Variants in NEFL observed in about 807,000 individuals in gnomAD.
NEFL encodes neurofilament light chain.
In NEFL, 36 loss-of-function variants were observed where a neutral mutation model predicts 51.6. That is an observed-to-expected ratio of 0.70 (90% CI 0.53 to 0.92). The LOEUF is 0.92. Among genes scored for constraint, NEFL ranks in the 40% least tolerant of loss-of-function variants. The pLI is 0.00. For missense variants in NEFL, 671 were observed against 722.0 expected (o/e 0.93, Z 0.81); for synonymous variants, 332 against 302.5 (o/e 1.10, Z -1.01).
chr8:24,951,869 T>TC lies in NEFL; in HGVS notation c.*940dup, dbSNP rs954757786. On this transcript the variant is annotated 3_prime_UTR_variant, in exon 4 of 4. Transcript: ENST00000610854. The stretch of plus-strand genomic sequence containing the variant: ...ACCATGTTCTCAGGTTTTAACCTCC[T>TC]CCCATGATATTTAGACTATATTTTA... 6.6e-6 allele frequency: 1 copy of TC among 152,600 alleles called. No individual in the cohort carries two copies. The highest frequency in any genetic ancestry group is 2.4e-5 in the African/African-American group (1 of 41,444). 9.5% of individuals were successfully genotyped at this position (152,600 alleles called of 1,614,324 possible).
Position 24,956,574 on chromosome 8 carries a change from A to AG in NEFL, c.-60dup. On this transcript the variant is annotated 5_prime_UTR_variant, in exon 1 of 4. Transcript: ENST00000610854. This position sits in a 1 kb window ranked among gnomAD's most constrained non-coding sequence, Gnocchi z 5.9. ...CGGTGGGAGCCCGGAGAGAGAGGAC[A>AG]GGGGAGAGAGGGAAGGGGGAGGATG... 2.0e-6 allele frequency: 3 copies of AG among 1,464,858 alleles called. No individual in the cohort carries two copies. The highest frequency in any genetic ancestry group is 2.8e-6 in the Non-Finnish European group (3 of 1,069,428). The allele number at this position is 1,464,858 out of a possible 1,614,324, so 90.7% of individuals were successfully genotyped here.
At position 24,955,426 on chromosome 8, in the gene NEFL, C is replaced by A. The variant is rs143338656; in HGVS notation, c.1044+46G>T. On this transcript the variant is annotated intron_variant, in intron 1 of 3. Coordinates refer to ENST00000610854, the MANE Select transcript of NEFL (RefSeq NM_006158.5). This position sits in a 1 kb window ranked among gnomAD's most constrained non-coding sequence, Gnocchi z 4.0. ...ACTTTCTGGGCGCACCAACTCCCCCCCTTGCTCGAGTCCCCCGCCCCCCTG... is the reference window on the plus strand; with the variant it reads ...ACTTTCTGGGCGCACCAACTCCCCCACTTGCTCGAGTCCCCCGCCCCCCTG... 77 of 909,566 alleles carry A rather than the reference C, an allele frequency of 8.5e-5. No individual in the cohort carries two copies. The Admixed American group carries it at 8.5e-4, about 10-fold the overall frequency. The allele number at this position is 909,566 out of a possible 1,614,324, so 56.3% of individuals were successfully genotyped here.
rs1458718759 is a variant in NEFL at position 24,955,733 on chromosome 8, G to A, written c.783C>T (p.Ile261=). ...KPDLSAALKD[I]RAQYEKLAAK... ...CGGCCAGCTTCTCGTACTGCGCGCGGATGTCCTTGAGCGCGGCGGAAAGGT... is the reference window on the plus strand; with the variant it reads ...CGGCCAGCTTCTCGTACTGCGCGCGAATGTCCTTGAGCGCGGCGGAAAGGT... Residue 261 remains isoleucine, a synonymous_variant, in exon 1 of 4, where the codon ATC becomes ATT. Coordinates refer to ENST00000610854, the MANE Select transcript of NEFL (RefSeq NM_006158.5). This position sits in a 1 kb window ranked among gnomAD's most constrained non-coding sequence, Gnocchi z 4.0. 1.2e-6 allele frequency: 2 copies of A among 1,613,774 alleles called. No homozygotes were observed. The highest frequency in any genetic ancestry group is 4.5e-5 in the East Asian group (2 of 44,854).
Position 24,951,906 on chromosome 8 carries a change from T to C in NEFL, c.*904A>G, listed in dbSNP as rs570416761. 2 of 152,610 alleles carry C rather than the reference T, an allele frequency of 1.3e-5. No homozygotes were observed. The highest frequency in any genetic ancestry group is 2.4e-5 in the African/African-American group (1 of 41,572). The allele number at this position is 152,610 out of a possible 1,614,324, so 9.5% of individuals were successfully genotyped here. ...TAGACTATATTTTAAAATGCAGTTA[T>C]AGGGATGAATGTATGGGATTCATAT... On this transcript the variant is annotated 3_prime_UTR_variant, in exon 4 of 4. Transcript: ENST00000610854.
Position 24,955,919 on chromosome 8 carries a change from G to C in NEFL, c.597C>G (p.Ala199=), listed in dbSNP as rs1423856572. The C allele has an allele frequency of 6.2e-7, 1 of 1,604,754 alleles. No individual in the cohort carries two copies. Among genetic ancestry groups the C allele is most frequent in the Non-Finnish European group, 8.5e-7 (1 of 1,179,692 alleles). ...CGGCGCGAGCGAGCGCCGCCTCGTCGGCGCCTTTGCGCGCTTCCATCAGCC... is the reference window on the plus strand; with the variant it reads ...CGGCGCGAGCGAGCGCCGCCTCGTCCGCGCCTTTGCGCGCTTCCATCAGCC... ...EGRLMEARKG[A]DEAALARAEL... is the part of the protein sequence containing the mutation. The change falls in exon 1 of 4, where the codon GCC becomes GCG. Residue 199 remains alanine, a synonymous_variant. Coordinates refer to ENST00000610854, the MANE Select transcript of NEFL (RefSeq NM_006158.5). This position sits in a 1 kb window ranked among gnomAD's most constrained non-coding sequence, Gnocchi z 4.0.
rs1803005392 is a variant in NEFL at position 24,953,835 on chromosome 8, T to C, written c.1170-40A>G. ...GCAAGGTGAGGTTAAAAAACACCTG[T>C]GTTTCACAACTTGCTCTGAGTACCC... On this transcript the variant is annotated intron_variant, in intron 2 of 3. Transcript: ENST00000610854. The C allele has an allele frequency of 1.9e-6, 3 of 1,552,084 alleles. No homozygotes were observed. In the East Asian group the frequency reaches 6.9e-5, roughly 36 times the overall value.
intron 2 of NEFL, 84 bp downstream of exon 2, chr8:24,954,097 G>A: frequency 6.4e-7 from 1 of 1,568,074 alleles, no homozygotes; most frequent in Non-Finnish European, 8.7e-7. Context: ...ATTATTGAAG[G>A]TTTCTGATCC....
Position 24,956,453 on chromosome 8 carries a change from C to T in NEFL, c.63G>A (p.Thr21=). ...STSYKRRYVE[T]PRVHISSVRS... is the part of the protein sequence containing the mutation. Reference sequence around the variant, plus strand: ...GCACGCTGGAGATGTGCACCCGGGGCGTCTCCACGTAGCGCCGCTTGTAGG... The same window carrying T: ...GCACGCTGGAGATGTGCACCCGGGGTGTCTCCACGTAGCGCCGCTTGTAGG... Residue 21 remains threonine (T), a synonymous_variant, in exon 1 of 4, where the codon ACG becomes ACA. Coordinates refer to ENST00000610854, the MANE Select transcript of NEFL (RefSeq NM_006158.5). The surrounding 1 kb of genome is among the most constrained non-coding windows in gnomAD (Gnocchi z 5.9). 3 of 1,604,272 alleles carry T rather than the reference C, an allele frequency of 1.9e-6. No homozygotes were observed. The highest frequency in any genetic ancestry group is 1.3e-5 in the African/African-American group (1 of 74,898).
Position 24,956,311 on chromosome 8 carries a change from C to T in NEFL, c.205G>A (p.Glu69Lys). ...SSSGSLMPSL[E>K]NLDLSQVAAI... ...GCTACCTGGCTCAGGTCGAGGTTCT[C>T]CAGACTGGGCATCAACGATCCAGAG... The change falls in exon 1 of 4, where the codon GAG becomes AAG. Residue 69 changes from glutamate (E) to lysine (K), a missense_variant. Physicochemically the swap from Glu to Lys is moderately conservative, Grantham distance 56. Coordinates refer to ENST00000610854, the MANE Select transcript of NEFL (RefSeq NM_006158.5). This position sits in a 1 kb window ranked among gnomAD's most constrained non-coding sequence, Gnocchi z 5.9. 2 of 1,610,546 alleles carry T rather than the reference C, an allele frequency of 1.2e-6. No individual in the cohort carries two copies. Among genetic ancestry groups the T allele is most frequent in the Non-Finnish European group, 1.7e-6 (2 of 1,178,554 alleles).
rs759451052 is a variant in NEFL, at chr8:24,952,551, T to C, written c.*259A>G. The C allele has an allele frequency of 6.8e-6, 3 of 441,846 alleles. No individual in the cohort carries two copies. Among genetic ancestry groups the C allele is most frequent in the Non-Finnish European group, 8.0e-6 (2 of 249,738 alleles). The allele number at this position is 441,846 out of a possible 1,614,324, so 27.4% of individuals were successfully genotyped here. A position where few individuals can be genotyped will look rare whatever the true frequency, so the allele number is the denominator to read the frequency against. Reference sequence around the variant, plus strand: ...AACATCTGAATGATTCACATTGCCGTAGATCCTGAACTCATAAGCGTGGTC... The same window carrying C: ...AACATCTGAATGATTCACATTGCCGCAGATCCTGAACTCATAAGCGTGGTC... On this transcript the variant is annotated 3_prime_UTR_variant, in exon 4 of 4. Coordinates refer to ENST00000610854, the MANE Select transcript of NEFL (RefSeq NM_006158.5).
At chr8:24,953,079 T>A (rs1004839739) in intron 3 of NEFL, 127 bp from the exon 4 acceptor site, 2 of 1,164,356 alleles carry the variant, frequency 1.7e-6, no homozygotes, top group African/African-American at 1.6e-5. Context: ...CTCCACTCTC[T>A]CCAAAAGCAC....
rs1402249334 is a variant in NEFL, at chr8:24,956,537, G to T, written c.-22C>A. 6.4e-7 allele frequency: 1 copy of T among 1,567,614 alleles called. No individual in the cohort carries two copies. Among genetic ancestry groups the T allele is most frequent in the East Asian group, 2.4e-5 (1 of 42,334 alleles). On this transcript the variant is annotated 5_prime_UTR_variant, in exon 1 of 4. Transcript: ENST00000610854. This position sits in a 1 kb window ranked among gnomAD's most constrained non-coding sequence, Gnocchi z 5.9. ...TCATGGTGGCGGCCGGTGGCTCCCC[G>T]GCCCGCGGCGGCGGTGGGAGCCCGG...
chr8:24,955,450 T>A lies in NEFL; in HGVS notation c.1044+22A>T. 53 of 723,554 alleles carry A rather than the reference T, an allele frequency of 7.3e-5. No homozygotes were observed. Among genetic ancestry groups the A allele is most frequent in the Non-Finnish European group, 9.3e-5 (47 of 505,974 alleles). The allele number at this position is 723,554 out of a possible 1,614,324, so 44.8% of individuals were successfully genotyped here. Reference sequence around the variant, plus strand: ...CCCTTGCTCGAGTCCCCCGCCCCCCTGTGTTTCTGGCCGTGCCGCACCTGC... The same window carrying A: ...CCCTTGCTCGAGTCCCCCGCCCCCCAGTGTTTCTGGCCGTGCCGCACCTGC... On this transcript the variant is annotated intron_variant, in intron 1 of 3. Transcript: ENST00000610854. The surrounding 1 kb of genome is among the most constrained non-coding windows in gnomAD (Gnocchi z 4.0).
chr8:24,953,887 G>A, intron 2 of NEFL, 92 bp from the exon 3 acceptor site: 1 of 1,460,762 alleles, frequency 6.8e-7, no homozygotes, highest in South Asian at 1.5e-5. Context: ...CAGGAGCAGG[G>A]CTGGGATTTA....
rs1374163320 is a variant in NEFL, at chr8:24,952,627, A to C, written c.*183T>G. The C allele has an allele frequency of 1.1e-5, 11 of 957,564 alleles. No individual in the cohort carries two copies. The highest frequency in any genetic ancestry group is 1.7e-5 in the Non-Finnish European group (11 of 661,402). The allele number at this position is 957,564 out of a possible 1,614,324, so 59.3% of individuals were successfully genotyped here. On this transcript the variant is annotated 3_prime_UTR_variant, in exon 4 of 4. Coordinates refer to ENST00000610854, the MANE Select transcript of NEFL (RefSeq NM_006158.5). Reference sequence around the variant, plus strand: ...AAAGCCACTCTGCAAGCAAACAGATACTCTGCATAAAGAGGAAATTCATAG... The same window carrying C: ...AAAGCCACTCTGCAAGCAAACAGATCCTCTGCATAAAGAGGAAATTCATAG...
At chr8:24,953,011 T>A (rs1463105631) in intron 3 of NEFL, 59 bp from the exon 4 acceptor site, 2 of 1,532,640 alleles carry the variant, frequency 1.3e-6, no homozygotes, top group Non-Finnish European at 1.8e-6. Context: ...AGTCAAAACA[T>A]GTCTGCAAAG....
intron 2 of NEFL, 120 bp from the exon 3 acceptor site, chr8:24,953,915 G>T (rs1370062749): frequency 5.8e-6 from 8 of 1,375,526 alleles, no homozygotes; most frequent in Non-Finnish European, 6.7e-6. Context: ...TTAATGCCTG[G>T]GGATCTTTTG....
rs762919717 is a variant in NEFL, at chr8:24,956,483, C to T, written c.33G>A (p.Ser11=). 45 of 1,603,426 alleles carry T rather than the reference C, an allele frequency of 2.8e-5. 1 individual carries two copies. In the South Asian group the frequency reaches 5.0e-4, roughly 18 times the overall value. Residue 11 remains serine (S), a synonymous_variant, in exon 1 of 4, where the codon TCG becomes TCA. Transcript: ENST00000610854. The surrounding 1 kb of genome is among the most constrained non-coding windows in gnomAD (Gnocchi z 5.9). MSSFSYEPYY[S]TSYKRRYVET... ...CCACGTAGCGCCGCTTGTAGGAGGTCGAGTAGTACGGCTCGTAGCTGAAGG... is the reference window on the plus strand; with the variant it reads ...CCACGTAGCGCCGCTTGTAGGAGGTTGAGTAGTACGGCTCGTAGCTGAAGG...
At position 24,952,811 on chromosome 8, in the gene NEFL, C is replaced by G; in HGVS notation, c.1631G>C (p.Ter544SerextTer34). 1 of 1,613,798 alleles carries G rather than the reference C, an allele frequency of 6.2e-7. No individual in the cohort carries two copies. Among genetic ancestry groups the G allele is most frequent in the Non-Finnish European group, 8.5e-7 (1 of 1,179,852 alleles). ...GEEQAAKKKD[*>S] is the part of the protein sequence containing the mutation. ...TGAAATAATTAAGGAAATGGGGGTTCAATCTTTCTTCTTAGCTGCTTGTTC... is the reference window on the plus strand; with the variant it reads ...TGAAATAATTAAGGAAATGGGGGTTGAATCTTTCTTCTTAGCTGCTTGTTC... The change falls in exon 4 of 4, where the codon TGA (stop) becomes TCA (serine). Residue 544 changes from the stop codon to serine (S), a stop_lost. Transcript: ENST00000610854.
Sources: gnomAD v4.1 joint callset for allele counts on GRCh38, gnomAD v4.1.1 for gene constraint, Gnocchi (gnomAD v3.1) non-coding constraint, MANE v1.5 for transcripts, NCBI Gene and HGNC (gene_info 2026-07-23, HGNC 2026-07-21) for gene names.